Variants in ZNF362 observed in about 807,000 individuals in gnomAD.
ZNF362 encodes the protein zinc finger protein 362.
Under a neutral mutation model 42.9 loss-of-function variants are expected in ZNF362, and 11 were observed. That is an observed-to-expected ratio of 0.26 (90% CI 0.16 to 0.42). The LOEUF (loss-of-function observed/expected upper bound fraction) is 0.42, where lower values mean the gene tolerates loss of function less well. Ranked by LOEUF, ZNF362 falls within the 20% of genes least tolerant of loss-of-function variation. The pLI, the probability that ZNF362 is intolerant of heterozygous loss-of-function variation, is 1.00. For missense variants in ZNF362, 362 were observed against 576.2 expected (o/e 0.63, Z 3.81); for synonymous variants, 255 against 257.3 (o/e 0.99, Z 0.09).
the ZNF362 span, among the ~76,000 whole-genome samples, chr1:33,137,827 G>C: frequency 6.6e-6 from 1 of 152,186 alleles, no homozygotes; most frequent in Non-Finnish European, 1.5e-5. Context: ...AAGGGCAAGA[G>C]GCACTGTCGC....
chr1:33,244,957 C>T, the ZNF362 span, among the ~76,000 whole-genome samples: 1 of 152,224 alleles, frequency 6.6e-6, no homozygotes, highest in East Asian at 1.9e-4. The surrounding 1 kb of genome is among the most constrained non-coding windows in gnomAD (Gnocchi z 4.0). Flanking sequence ...CAGACTTAGC[C>T]AGAGGCTCCA....
At chr1:33,212,417 AT>A in the ZNF362 span, among the ~76,000 whole-genome samples, 1 of 152,200 alleles carries the variant, frequency 6.6e-6, no homozygotes, top group Non-Finnish European at 1.5e-5. Context: ...ATATTGAGCC[AT>A]TCCACTTCTA....
At chr1:33,236,758 A>G in the ZNF362 span, among the ~76,000 whole-genome samples, 1 of 151,582 alleles carries the variant, frequency 6.6e-6, no homozygotes, top group Middle Eastern at 3.2e-3. Context: ...GCTTTATTTA[A>G]TCATTCTACT....
At chr1:33,236,138 T>C in the ZNF362 span, among the ~76,000 whole-genome samples, 20 of 152,198 alleles carry the variant, frequency 1.3e-4, no homozygotes, top group South Asian at 4.2e-3. Context: ...TAATACCTCC[T>C]TCACTAGGTG....
chr1:33,270,278 T>C (rs1213815843), intron 1 of ZNF362, among the ~76,000 whole-genome samples: 1 of 152,140 alleles, frequency 6.6e-6, no homozygotes, highest in Non-Finnish European at 1.5e-5. Context: ...GGGCCAGTGC[T>C]GGGCATCCTA....
At chr1:33,230,111 A>G in the ZNF362 span, among the ~76,000 whole-genome samples, 2 of 152,178 alleles carry the variant, frequency 1.3e-5, no homozygotes, top group African/African-American at 2.4e-5. Context: ...AAAAAAACCT[A>G]TAACCATAGC....
chr1:33,286,006 T>C (rs1646029809), intron 6 of ZNF362, among the ~76,000 whole-genome samples: 1 of 152,112 alleles, frequency 6.6e-6, no homozygotes, highest in South Asian at 2.1e-4. Flanking sequence ...GAGGTTGCGG[T>C]GAGCTGAGAT....
At chr1:33,212,874 C>T in the ZNF362 span, among the ~76,000 whole-genome samples, 108,701 of 152,096 alleles carry the variant, frequency 0.71, 39,216 homozygotes, top group Non-Finnish European at 0.76. Context: ...TGAAAGCGTA[C>T]GTGCATGCAA....
chr1:33,213,884 A>C, the ZNF362 span, among the ~76,000 whole-genome samples: 2 of 151,906 alleles, frequency 1.3e-5, no homozygotes, highest in African/African-American at 4.8e-5. Context: ...AAACAAAAAA[A>C]ACAAAACAAC....
chr1:33,197,945 A>G, the ZNF362 span, among the ~76,000 whole-genome samples: 1 of 152,226 alleles, frequency 6.6e-6, no homozygotes, highest in Non-Finnish European at 1.5e-5. Context: ...GGCACTGTGT[A>G]GAGCACTCAG....
the ZNF362 span, among the ~76,000 whole-genome samples, chr1:33,140,265 G>A: frequency 6.6e-6 from 1 of 152,228 alleles, no homozygotes; most frequent in Non-Finnish European, 1.5e-5. This position sits in a 1 kb window ranked among gnomAD's most constrained non-coding sequence, Gnocchi z 4.0. Flanking sequence ...AGACGGAGCT[G>A]GGGTTTACCC....
At chr1:33,269,534 T>G (rs1645887162) in intron 1 of ZNF362, among the ~76,000 whole-genome samples, 1 of 152,210 alleles carries the variant, frequency 6.6e-6, no homozygotes, top group Non-Finnish European at 1.5e-5. Context: ...CCATGGGGTC[T>G]GGGCAACTGT....
the ZNF362 span, among the ~76,000 whole-genome samples, chr1:33,221,988 G>T: frequency 6.6e-6 from 1 of 152,176 alleles, no homozygotes; most frequent in South Asian, 2.1e-4. Flanking sequence ...GGAGGAAGAG[G>T]GCGACAAGGA....
At chr1:33,247,987 G>C in the ZNF362 span, among the ~76,000 whole-genome samples, 2 of 152,204 alleles carry the variant, frequency 1.3e-5, no homozygotes, top group East Asian at 3.9e-4. Context: ...CTTGCTTATA[G>C]CAAATGCTTG....
chr1:33,194,177 A>C, the ZNF362 span, among the ~76,000 whole-genome samples: 47 of 152,320 alleles, frequency 3.1e-4, no homozygotes, highest in African/African-American at 1.0e-3. Context: ...AATTGATCTG[A>C]AGAAATTACC....
upstream of ZNF362, among the ~76,000 whole-genome samples, chr1:33,254,872 G>T (rs954014710): frequency 6.6e-6 from 1 of 152,038 alleles, no homozygotes; most frequent in Non-Finnish European, 1.5e-5. Flanking sequence ...CTTCTCTCCC[G>T]TTTATTAATT....
the ZNF362 span, among the ~76,000 whole-genome samples, chr1:33,208,624 TCTC>T: frequency 6.6e-6 from 1 of 152,218 alleles, no homozygotes; most frequent in Non-Finnish European, 1.5e-5. Context: ...GGTTTGTAAT[TCTC>T]CTTGAAGAGG....
chr1:33,208,079 C>T, the ZNF362 span, among the ~76,000 whole-genome samples: 1 of 149,736 alleles, frequency 6.7e-6, no homozygotes, highest in South Asian at 2.1e-4. Flanking sequence ...TATGGTTTTA[C>T]GTCTTTAATC....
the ZNF362 span, among the ~76,000 whole-genome samples, chr1:33,184,040 T>TG: frequency 2.2e-5 from 1 of 46,138 alleles, no homozygotes. Context: ...TGAAATGAAA[T>TG]GAAAAAAAAA....
Sources: allele counts gnomAD v4.1 joint callset (sites outside exome capture counted in the v4.1 genomes callset), GRCh38; gene constraint gnomAD v4.1.1; non-coding constraint Gnocchi (gnomAD v3.1); transcripts MANE v1.5; gene names NCBI Gene and HGNC (gene_info 2026-07-23, HGNC 2026-07-21).